The following SNX29 variants were observed in gnomAD, a reference collection of about 807,000 sequenced individuals.
SNX29 encodes the protein sorting nexin-29.
In SNX29, 78 loss-of-function variants were observed where a neutral mutation model predicts 102.1. That is an observed-to-expected ratio of 0.76 (90% CI 0.64 to 0.92). SNX29 has a LOEUF of 0.92. Among genes scored for constraint, SNX29 ranks in the 40% least tolerant of loss-of-function variants. The probability of loss-of-function intolerance (pLI) is 0.00; values close to 1 mark genes in which losing one functional copy is unlikely to be tolerated. For missense variants in SNX29, 1,280 were observed against 1,061.7 expected, an observed-to-expected ratio of 1.21 and a Z score of -2.86; for synonymous variants, 580 against 414.5, an observed-to-expected ratio of 1.40 and a Z score of -4.85.
intron 19 of SNX29, among the ~76,000 whole-genome samples, chr16:12,484,860 T>C (rs2088148571): frequency 6.6e-6 from 1 of 152,230 alleles, no homozygotes; most frequent in Non-Finnish European, 1.5e-5. Context: ...AATGACTTAT[T>C]TGTGCACTTC....
intron 15 of SNX29, among the ~76,000 whole-genome samples, chr16:12,326,329 C>CTTT (rs35321885): frequency 0.022 from 3,111 of 141,608 alleles, 108 homozygotes; most frequent in Admixed American, 0.087. Context: ...GCTTTTTTGT[C>CTTT]TTTTTTTTTT....
chr16:12,296,860 C>T (rs1596802969), intron 15 of SNX29, among the ~76,000 whole-genome samples: 1 of 152,230 alleles, frequency 6.6e-6, no homozygotes, highest in East Asian at 1.9e-4. Flanking sequence ...GTGACTTGCT[C>T]TATGCCAGGG....
intron 14 of SNX29, among the ~76,000 whole-genome samples, chr16:12,255,465 TC>T (rs1338875536): frequency 6.6e-6 from 1 of 152,132 alleles, no homozygotes; most frequent in Non-Finnish European, 1.5e-5. Flanking sequence ...CACCATGCTG[TC>T]CCCTAACCCG....
rs538165507 is a variant in SNX29, at chr16:12,129,868, G to C, written c.1595+110G>C. On this transcript the variant is annotated intron_variant, in intron 13 of 20. Coordinates refer to ENST00000566228, the MANE Select transcript of SNX29 (RefSeq NM_032167.5). ...GCCTGTAATCCCAGCACTTTGGGAG[G>C]CCAAGGCGGGTGGATCATAAGGTCA... is the stretch of plus-strand genomic sequence containing the variant. 3.6e-5 allele frequency: 47 copies of C among 1,320,196 alleles called. No individual in the cohort carries two copies. In the African/African-American group the frequency reaches 6.0e-4, roughly 17 times the overall value. The allele number at this position is 1,320,196 out of a possible 1,614,324, so 81.8% of individuals were successfully genotyped here.
chr16:12,416,095 G>A (rs1458948761), intron 18 of SNX29, among the ~76,000 whole-genome samples: 1 of 152,126 alleles, frequency 6.6e-6, no homozygotes, highest in Non-Finnish European at 1.5e-5. Context: ...GACAACTACA[G>A]CCCCTTTGCA....
intron 14 of SNX29, among the ~76,000 whole-genome samples, chr16:12,241,790 C>G (rs1348200144): frequency 1.3e-5 from 2 of 152,210 alleles, no homozygotes; most frequent in African/African-American, 4.8e-5. Flanking sequence ...TTCCCCATCT[C>G]TTTCTCTCAA....
At chr16:12,300,160 C>T (rs1433363984) in intron 15 of SNX29, among the ~76,000 whole-genome samples, 4 of 152,230 alleles carry the variant, frequency 2.6e-5, no homozygotes, top group South Asian at 4.1e-4. Context: ...GTGTGAGCCC[C>T]TGCAGCTGGC....
chr16:12,125,966 C>G (rs1432919559), intron 11 of SNX29, among the ~76,000 whole-genome samples: 1 of 152,188 alleles, frequency 6.6e-6, no homozygotes, highest in Non-Finnish European at 1.5e-5. Flanking sequence ...TGCCACATCG[C>G]TGTCTGGGGC....
chr16:12,527,300 A>C (rs762792), intron 20 of SNX29: 17,854 of 531,984 alleles, frequency 0.034, 771 homozygotes, highest in African/African-American at 0.12. Context: ...CTGCCCACAG[A>C]AAGCAGCGAG....
intron 1 of SNX29, among the ~76,000 whole-genome samples, chr16:11,984,849 C>G (rs1474296728): frequency 1.3e-5 from 2 of 152,110 alleles, no homozygotes; most frequent in Non-Finnish European, 1.5e-5. Flanking sequence ...GAGACAGGGT[C>G]TCAGTATATT....
intron 15 of SNX29, among the ~76,000 whole-genome samples, chr16:12,325,072 C>G (rs1424877827): frequency 6.6e-6 from 1 of 152,078 alleles, no homozygotes; most frequent in East Asian, 1.9e-4. Context: ...ATGTAACTGC[C>G]CCCAGTTTTT....
intron 20 of SNX29, among the ~76,000 whole-genome samples, chr16:12,544,812 G>T (rs556870353): frequency 6.6e-6 from 1 of 152,334 alleles, no homozygotes; most frequent in African/African-American, 2.4e-5. Flanking sequence ...CCAAACTCTT[G>T]ACCACTGCTT....
At chr16:12,242,579 T>TTCTTCTTCTCTTCTTCTTCTC (rs1567349281) in intron 14 of SNX29, among the ~76,000 whole-genome samples, 1 of 149,640 alleles carries the variant, frequency 6.7e-6, no homozygotes, top group African/African-American at 2.5e-5. Flanking sequence ...TTCTTCTTCT[T>TTCTTCTTCTCTTCTTCTTCTC]TTCTTCTTCT....
chr16:12,255,342 C>G (rs2078539800), intron 14 of SNX29, among the ~76,000 whole-genome samples: 1 of 151,662 alleles, frequency 6.6e-6, no homozygotes. Context: ...ATTACAGGCA[C>G]CCACCACCAT....
intron 20 of SNX29, among the ~76,000 whole-genome samples, chr16:12,564,423 TTATCCTCA>T (rs2078903283): frequency 6.6e-6 from 1 of 152,202 alleles, no homozygotes; most frequent in African/African-American, 2.4e-5. Context: ...ATTGGCACTA[TTATCCTCA>T]TTTCACAGAT....
At chr16:12,553,784 C>A (rs549907512) in intron 20 of SNX29, among the ~76,000 whole-genome samples, 5 of 152,040 alleles carry the variant, frequency 3.3e-5, no homozygotes, top group Non-Finnish European at 5.9e-5. Context: ...GACAGGGTTT[C>A]ACCATGTTGG....
At chr16:12,170,932 G>A (rs573774322) in intron 13 of SNX29, among the ~76,000 whole-genome samples, 32 of 152,010 alleles carry the variant, frequency 2.1e-4, no homozygotes, top group Middle Eastern at 3.2e-3. Context: ...AGAGCCGTAG[G>A]ATTTACTGAC....
rs905783848 is a variant in SNX29 at position 12,560,099 on chromosome 16, G to C, written c.2319-8407G>C. 2.0e-5 allele frequency among the ~76,000 whole-genome samples: 3 copies of C among 151,784 alleles called. No homozygotes were observed. The East Asian group carries it at 5.8e-4, about 29-fold the overall frequency. On this transcript the variant is annotated intron_variant, in intron 20 of 20. Transcript: ENST00000566228. ...GTCCTAACAGTGGTTATCCACAAAG[G>C]ATGAGTTGACAAGCTATTCTAGTTC...
In SNX29 at chr16:12,461,979, ATAT is replaced by A. The variant is rs1184661261; in HGVS notation, c.2038-15739_2038-15737del. Among the ~76,000 whole-genome samples, 202 of 27,716 alleles carry A rather than the reference ATAT, an allele frequency of 7.3e-3. 2 individuals carry two copies. The highest frequency in any genetic ancestry group is 0.013 in the African/African-American group (71 of 5,464). The allele number at this position is 27,716 out of a possible 152,430, so 18.2% of individuals were successfully genotyped here. ...TCAAAAAAAAAAAAAAAAAAAAAAA[ATAT>A]ATATATATATATATATATATATATA... On this transcript the variant is annotated intron_variant, in intron 18 of 20. Transcript: ENST00000566228.
Sources: gnomAD v4.1 joint callset for allele counts (sites outside exome capture counted in the v4.1 genomes callset) on GRCh38, gnomAD v4.1.1 for gene constraint, MANE v1.5 for transcripts, NCBI Gene and HGNC (gene_info 2026-07-23, HGNC 2026-07-21) for gene names.